Variants in LRFN5 observed in about 807,000 individuals in gnomAD.
The protein encoded by LRFN5 is leucine-rich repeat and fibronectin type-III domain-containing protein 5.
LRFN5 carries 24 observed loss-of-function variants against 45.6 expected under a neutral mutation model. The observed-to-expected ratio is 0.53, with a 90% CI of 0.38 to 0.74. The LOEUF is 0.74. Among genes scored for constraint, LRFN5 ranks in the 30% least tolerant of loss-of-function variants. LRFN5 has a pLI of 0.00. For synonymous variants in LRFN5, 340 were observed against 313.8 expected (o/e 1.08, Z -0.88); for missense variants, 776 against 861.5 (o/e 0.90, Z 1.24).
chr14:41,859,759 T>C (rs918726507), intron 2 of LRFN5, among the ~76,000 whole-genome samples: 4 of 152,246 alleles, frequency 2.6e-5, no homozygotes, highest in African/African-American at 4.8e-5. Flanking sequence ...ACATTTCTTT[T>C]TGCTTCTCTT....
At chr14:41,686,236 CG>C (rs1198016087) in intron 1 of LRFN5, among the ~76,000 whole-genome samples, 1 of 151,500 alleles carries the variant, frequency 6.6e-6, no homozygotes, top group African/African-American at 2.4e-5. Context: ...CAATTGTAAA[CG>C]GGAGTTCATT....
intron 1 of LRFN5, among the ~76,000 whole-genome samples, chr14:41,742,307 G>T (rs1161564469): frequency 9.7e-6 from 1 of 102,572 alleles, no homozygotes; most frequent in Admixed American, 1.2e-4. Context: ...AAAATGTGGT[G>T]TGTATACACA....
chr14:41,760,273 C>T (rs1594684020), intron 1 of LRFN5, among the ~76,000 whole-genome samples: 2 of 152,136 alleles, frequency 1.3e-5, no homozygotes. Context: ...AATATTCAGA[C>T]ATAGGGTCTT....
At chr14:41,694,840 A>G (rs1311294785) in intron 1 of LRFN5, among the ~76,000 whole-genome samples, 1 of 152,006 alleles carries the variant, frequency 6.6e-6, no homozygotes, top group South Asian at 2.1e-4. Flanking sequence ...CCCATACAAG[A>G]TAAGGCCAAT....
intron 1 of LRFN5, among the ~76,000 whole-genome samples, chr14:41,675,295 T>C (rs1427154302): frequency 5.3e-5 from 8 of 151,302 alleles, no homozygotes; most frequent in African/African-American, 2.0e-4. Context: ...CACGCCACTG[T>C]GCTCCAGTCT....
intron 1 of LRFN5, among the ~76,000 whole-genome samples, chr14:41,758,338 C>G (rs1438980511): frequency 6.6e-6 from 1 of 152,146 alleles, no homozygotes. Context: ...AAACTATTGA[C>G]CATTAAGGAT....
At chr14:41,649,148 T>G (rs1028494562) in intron 1 of LRFN5, among the ~76,000 whole-genome samples, 12 of 151,822 alleles carry the variant, frequency 7.9e-5, no homozygotes, top group African/African-American at 2.7e-4. Context: ...GTGGGGAGAA[T>G]TGCTTGAACC....
At chr14:41,884,635 G>A (rs2139146129) in intron 2 of LRFN5, among the ~76,000 whole-genome samples, 1 of 152,296 alleles carries the variant, frequency 6.6e-6, no homozygotes, top group South Asian at 2.1e-4. Context: ...AACCACAACT[G>A]CTTGAAACTT....
chr14:41,761,002 C>A (rs1034426411), intron 1 of LRFN5, among the ~76,000 whole-genome samples: 1 of 152,004 alleles, frequency 6.6e-6, no homozygotes, highest in Non-Finnish European at 1.5e-5. Flanking sequence ...CTAAATTGGG[C>A]CCCTGATGGA....
chr14:41,706,260 C>G (rs1883063696), intron 1 of LRFN5, among the ~76,000 whole-genome samples: 1 of 152,036 alleles, frequency 6.6e-6, no homozygotes, highest in East Asian at 1.9e-4. Context: ...GCCATCACGA[C>G]TGGCTAATTT....
At chr14:41,883,584 G>A (rs1890462587) in intron 2 of LRFN5, among the ~76,000 whole-genome samples, 1 of 152,028 alleles carries the variant, frequency 6.6e-6, no homozygotes, top group South Asian at 2.1e-4. Flanking sequence ...AGGTTGCTAG[G>A]TTTTCCTTTC....
chr14:41,893,833 T>C (rs1432837456), intron 4 of LRFN5: 2 of 985,394 alleles, frequency 2.0e-6, no homozygotes, highest in Non-Finnish European at 2.4e-6. Flanking sequence ...CTAAAAAGTT[T>C]ACTTTTCACA....
At chr14:41,725,018 GA>G (rs1160322339) in intron 1 of LRFN5, among the ~76,000 whole-genome samples, 4 of 152,098 alleles carry the variant, frequency 2.6e-5, no homozygotes, top group Non-Finnish European at 4.4e-5. Context: ...CTGTTGAAGT[GA>G]AAAACCACTA....
At chr14:41,835,164 C>G (rs961113804) in intron 2 of LRFN5, among the ~76,000 whole-genome samples, 13 of 151,956 alleles carry the variant, frequency 8.6e-5, no homozygotes, top group Admixed American at 8.5e-4. Flanking sequence ...AATTATTTAG[C>G]AGTTTCCATT....
chr14:41,841,240 A>G (rs1475452524), intron 2 of LRFN5, among the ~76,000 whole-genome samples: 1 of 151,952 alleles, frequency 6.6e-6, no homozygotes, highest in Non-Finnish European at 1.5e-5. Flanking sequence ...TAAGGACATT[A>G]TCTGTTACTA....
At chr14:41,641,792 A>G (rs1879591959) in intron 1 of LRFN5, among the ~76,000 whole-genome samples, 1 of 152,160 alleles carries the variant, frequency 6.6e-6, no homozygotes, top group Non-Finnish European at 1.5e-5. Flanking sequence ...CTAAAATATC[A>G]GAAAATGAAG....
intron 1 of LRFN5, among the ~76,000 whole-genome samples, chr14:41,753,582 T>C (rs1434950274): frequency 6.6e-6 from 1 of 152,160 alleles, no homozygotes; most frequent in Admixed American, 6.5e-5. Flanking sequence ...GTTATTGGTG[T>C]ATAAGAATGC....
chr14:41,726,629 T>A (rs1233935758), intron 1 of LRFN5, among the ~76,000 whole-genome samples: 1 of 152,156 alleles, frequency 6.6e-6, no homozygotes, highest in African/African-American at 2.4e-5. Context: ...CATATATTTT[T>A]TTCTATTTTT....
intron 1 of LRFN5, among the ~76,000 whole-genome samples, chr14:41,752,153 C>A (rs916440037): frequency 6.6e-6 from 1 of 152,092 alleles, no homozygotes; most frequent in Non-Finnish European, 1.5e-5. Context: ...TTTTCTTAAT[C>A]CAGTCTATCA....
Sources: gnomAD v4.1 joint callset for allele counts (sites outside exome capture counted in the v4.1 genomes callset) on GRCh38, gnomAD v4.1.1 for gene constraint, MANE v1.5 for transcripts, NCBI Gene and HGNC (gene_info 2026-07-23, HGNC 2026-07-21) for gene names.